Variants in IPCEF1 observed in about 807,000 individuals in gnomAD.
IPCEF1 encodes interaction protein for cytohesin exchange factors 1, also known as interactor protein for cytohesin exchange factors 1.
In IPCEF1, 31 loss-of-function variants were observed where a neutral mutation model predicts 50.9. The ratio of observed to expected loss-of-function variants is 0.61; its 90% CI spans 0.46 to 0.82. The LOEUF is 0.82. IPCEF1 is among the 40% of genes least tolerant of loss of function. The pLI, the probability that IPCEF1 is intolerant of heterozygous loss-of-function variation, is 0.00. For synonymous variants in IPCEF1, 181 were observed against 192.0 expected, an observed-to-expected ratio of 0.94 and a Z score of 0.47; for missense variants, 458 against 514.0, an observed-to-expected ratio of 0.89 and a Z score of 1.05.
chr6:154,172,940 C>A (rs1456425890), intron 10 of IPCEF1, among the ~76,000 whole-genome samples: 2 of 152,194 alleles, frequency 1.3e-5, no homozygotes, highest in African/African-American at 4.8e-5. Flanking sequence ...TCAGTGGGTG[C>A]CCCTCTGGGG....
chr6:154,262,864 C>T (rs1017512259), intron 3 of IPCEF1, among the ~76,000 whole-genome samples: 3 of 149,778 alleles, frequency 2.0e-5, no homozygotes, highest in Admixed American at 1.3e-4. Flanking sequence ...GCAACCTCCA[C>T]CTCCCGGGTT....
intron 3 of IPCEF1, among the ~76,000 whole-genome samples, chr6:154,257,389 A>G (rs1485872132): frequency 6.6e-6 from 1 of 152,170 alleles, no homozygotes; most frequent in East Asian, 1.9e-4. Context: ...CTTCCAGACC[A>G]GGTGCCTATC....
At chr6:154,220,304 A>T (rs1778759722) in intron 7 of IPCEF1, among the ~76,000 whole-genome samples, 1 of 152,198 alleles carries the variant, frequency 6.6e-6, no homozygotes, top group Non-Finnish European at 1.5e-5. Flanking sequence ...GAATAGGGCT[A>T]AATCAAAGAG....
At chr6:154,332,287 GGT>G (rs1491576840) in intron 1 of IPCEF1, among the ~76,000 whole-genome samples, 20 of 49,562 alleles carry the variant, frequency 4.0e-4, no homozygotes, top group South Asian at 1.6e-3. Context: ...GTGTGTGAGT[GGT>G]TTTTTTTTTT....
intron 3 of IPCEF1, among the ~76,000 whole-genome samples, chr6:154,252,675 G>A (rs896833913): frequency 2.2e-4 from 34 of 151,160 alleles, no homozygotes; most frequent in African/African-American, 6.8e-4. Flanking sequence ...ACTCCATCTC[G>A]AAAAACAAAA....
At chr6:154,345,466 A>G (rs1382982072) in intron 1 of IPCEF1, among the ~76,000 whole-genome samples, 1 of 152,200 alleles carries the variant, frequency 6.6e-6, no homozygotes, top group African/African-American at 2.4e-5. Flanking sequence ...CTCCAGGACC[A>G]CGAAGCACCA....
chr6:154,168,042 G>A lies in IPCEF1; in HGVS notation c.982C>T (p.Pro328Ser). The A allele has an allele frequency of 6.2e-7, 1 of 1,609,804 alleles. No individual in the cohort carries two copies. Among genetic ancestry groups the A allele is most frequent in the Non-Finnish European group, 8.5e-7 (1 of 1,176,906 alleles). ...YKSLEQASLS[P>S]LGDRRPSTKK... ...GTCGAAGGTCGTCGGTCCCCAAGAG[G>A]AGATAGACTAGCTTGCTCTAATGAT... The change falls in exon 11 of 12, where the codon CCT becomes TCT. Residue 328 changes from proline (P) to serine (S), a missense_variant. Coordinates refer to ENST00000367220, the MANE Select transcript of IPCEF1 (RefSeq NM_001130700.2). This position sits in a 1 kb window ranked among gnomAD's most constrained non-coding sequence, Gnocchi z 4.1.
At chr6:154,356,139 A>G (rs1419489233) in intron 1 of IPCEF1, among the ~76,000 whole-genome samples, 1 of 152,144 alleles carries the variant, frequency 6.6e-6, no homozygotes, top group African/African-American at 2.4e-5. Flanking sequence ...GCAAAGAAAA[A>G]TCAAGTGCCC....
At position 154,246,763 on chromosome 6, in the gene IPCEF1, G is replaced by T. The variant is rs1781073794; in HGVS notation, c.77-3C>A. ...CCTCCGACTCATCGTGAGAAAACCT[G>T]CAATGATTACATGAAGAGGTAGATA... On this transcript the variant is annotated splice_polypyrimidine_tract_variant and splice_region_variant and intron_variant, in intron 4 of 11. Coordinates refer to ENST00000367220, the MANE Select transcript of IPCEF1 (RefSeq NM_001130700.2). 1 of 1,613,314 alleles carries T rather than the reference G, an allele frequency of 6.2e-7. No individual in the cohort carries two copies. Among genetic ancestry groups the T allele is most frequent in the Non-Finnish European group, 8.5e-7 (1 of 1,179,640 alleles).
intron 1 of IPCEF1, among the ~76,000 whole-genome samples, chr6:154,315,771 G>A (rs1420500231): frequency 2.6e-5 from 4 of 152,162 alleles, no homozygotes; most frequent in African/African-American, 9.6e-5. Flanking sequence ...ATATTGATGG[G>A]AAATTGATGA....
intron 5 of IPCEF1, among the ~76,000 whole-genome samples, chr6:154,231,848 C>T (rs1210668678): frequency 1.3e-5 from 2 of 151,660 alleles, no homozygotes; most frequent in African/African-American, 4.8e-5. Context: ...AAAACAAACA[C>T]GAAAAAGAAA....
intron 10 of IPCEF1, among the ~76,000 whole-genome samples, chr6:154,171,425 CAG>C (rs1464990369): frequency 6.6e-6 from 1 of 152,066 alleles, no homozygotes; most frequent in African/African-American, 2.4e-5. Context: ...GATGAACCCA[CAG>C]AGACAGAAAC....
At chr6:154,191,096 GAAGAAGCTTAAATTCATATTACCAAATGA>G (rs1390715416) in intron 10 of IPCEF1, among the ~76,000 whole-genome samples, 1 of 152,070 alleles carries the variant, frequency 6.6e-6, no homozygotes, top group Non-Finnish European at 1.5e-5. Context: ...AAAAGACTTA[GAAGAAGCTTAAATTCATATTACCAAATGA>G]AAGAAGCCAA....
chr6:154,272,796 C>T (rs1048547325), intron 2 of IPCEF1, among the ~76,000 whole-genome samples: 2 of 152,062 alleles, frequency 1.3e-5, no homozygotes, highest in Non-Finnish European at 2.9e-5. Flanking sequence ...CTATTTTAAA[C>T]CCAGAAAATG....
At chr6:154,256,444 T>C (rs1562568629) in intron 3 of IPCEF1, among the ~76,000 whole-genome samples, 1 of 152,176 alleles carries the variant, frequency 6.6e-6, no homozygotes, top group Non-Finnish European at 1.5e-5. Context: ...AATTTAAATT[T>C]GCAGAATTGC....
intron 3 of IPCEF1, among the ~76,000 whole-genome samples, chr6:154,254,000 A>G (rs535306056): frequency 5.9e-5 from 9 of 152,232 alleles, no homozygotes; most frequent in African/African-American, 1.4e-4. Context: ...TTTACTGGGA[A>G]TTTTGCTTTA....
In IPCEF1 at chr6:154,300,057, C is replaced by G. The variant is rs890679292; in HGVS notation, c.-61-10301G>C. Among the ~76,000 whole-genome samples the G allele has an allele frequency of 1.4e-5, 2 of 140,904 alleles. 1 individual carries two copies. The highest frequency in any genetic ancestry group is 5.1e-5 in the African/African-American group (2 of 39,414). 92.4% of individuals were successfully genotyped at this position (140,904 alleles called of 152,430 possible). The stretch of plus-strand genomic sequence containing the variant: ...CACCAGTCATTTTCCAAGCCCCATG[C>G]ATGGAGGAAGCATTTCTCCCATGAC... On this transcript the variant is annotated intron_variant, in intron 1 of 11. Transcript: ENST00000367220.
rs572257946 is a variant in IPCEF1 at position 154,313,059 on chromosome 6, C to A, written c.-61-23303G>T. ...CCCCACTGCACTGCAGGCTGTGAGG[C>A]CCTGTCTCAAAAAAAAAAAAAAAAA... On this transcript the variant is annotated intron_variant, in intron 1 of 11. Coordinates refer to ENST00000367220, the MANE Select transcript of IPCEF1 (RefSeq NM_001130700.2). Among the ~76,000 whole-genome samples the A allele has an allele frequency of 1.6e-3, 75 of 48,360 alleles. No individual in the cohort carries two copies. The East Asian group carries it at 0.061, about 39-fold the overall frequency. 31.7% of individuals were successfully genotyped at this position (48,360 alleles called of 152,430 possible).
intron 5 of IPCEF1, among the ~76,000 whole-genome samples, chr6:154,224,430 G>A (rs1005331025): frequency 6.6e-6 from 1 of 152,258 alleles, no homozygotes; most frequent in African/African-American, 2.4e-5. Context: ...ACTCAAGGCT[G>A]GGTGCAGTGG....
Sources: gnomAD v4.1 joint callset for allele counts (sites outside exome capture counted in the v4.1 genomes callset) on GRCh38, gnomAD v4.1.1 for gene constraint, Gnocchi (gnomAD v3.1) non-coding constraint, MANE v1.5 for transcripts, NCBI Gene and HGNC (gene_info 2026-07-23, HGNC 2026-07-21) for gene names.